The following TENM2 variants were observed in gnomAD, a reference collection of about 807,000 sequenced individuals.
TENM2 encodes teneurin transmembrane protein 2, also known as teneurin-2.
A neutral mutation model predicts 245.2 loss-of-function variants in TENM2; 52 were observed. The observed-to-expected ratio is 0.21, with a 90% CI of 0.17 to 0.27. The LOEUF is 0.27. Ranked by LOEUF, TENM2 falls within the 10% of genes least tolerant of loss-of-function variation. The pLI, the probability that TENM2 is intolerant of heterozygous loss-of-function variation, is 1.00. For synonymous variants in TENM2, 1,363 were observed against 1,438.9 expected (o/e 0.95, Z 1.19); for missense variants, 3,046 against 3,666.8 (o/e 0.83, Z 4.37).
Position 168,244,983 on chromosome 5 carries a change from G to A in TENM2, c.5817+267G>A, listed in dbSNP as rs1214811410. On this transcript the variant is annotated intron_variant, in intron 26 of 28. Transcript: ENST00000518659. This position sits in a 1 kb window ranked among gnomAD's most constrained non-coding sequence, Gnocchi z 4.9. ...GGGTTTCCCCACATTGGCCAGGCTG[G>A]TCTCGAATTCCTGACCTCAGGTGAT... Among the ~76,000 whole-genome samples the A allele has an allele frequency of 6.6e-6, 1 of 152,104 alleles. No homozygotes were observed. Among genetic ancestry groups the A allele is most frequent in the Non-Finnish European group, 1.5e-5 (1 of 68,026 alleles).
chr5:167,091,494 T>A, the TENM2 span, among the ~76,000 whole-genome samples: 1 of 152,128 alleles, frequency 6.6e-6, no homozygotes, highest in East Asian at 1.9e-4. Context: ...ATATATATAG[T>A]CAGGTACATT....
chr5:167,861,052 TAAAAAAAAA>T (rs397999860), intron 2 of TENM2, among the ~76,000 whole-genome samples: 1 of 133,488 alleles, frequency 7.5e-6, no homozygotes, highest in East Asian at 2.2e-4. Flanking sequence ...AAAAAAAAAT[TAAAAAAAAA>T]AAAAAAAGAA....
the TENM2 span, among the ~76,000 whole-genome samples, chr5:167,000,073 AT>A: frequency 6.6e-6 from 1 of 152,326 alleles, no homozygotes; most frequent in South Asian, 2.1e-4. Context: ...CTGTAGAGGC[AT>A]CTATAAGATC....
chr5:167,877,629 C>T (rs1265389222), intron 3 of TENM2, among the ~76,000 whole-genome samples: 1 of 152,154 alleles, frequency 6.6e-6, no homozygotes, highest in Non-Finnish European at 1.5e-5. Flanking sequence ...TGAATTCAAC[C>T]TTTCTACCGC....
intron 2 of TENM2, among the ~76,000 whole-genome samples, chr5:167,808,404 C>T (rs1335960522): frequency 6.6e-6 from 1 of 152,168 alleles, no homozygotes; most frequent in African/African-American, 2.4e-5. Context: ...GGATTACAGG[C>T]ATGCACCACC....
chr5:167,113,011 C>T, the TENM2 span, among the ~76,000 whole-genome samples: 2 of 152,082 alleles, frequency 1.3e-5, no homozygotes, highest in African/African-American at 2.4e-5. Context: ...AATCCTCATA[C>T]CTTAAAGGAG....
At position 167,565,124 on chromosome 5, in the gene TENM2, A is replaced by G. The variant is rs180854822; in HGVS notation, c.502+189651A>G. 5.5e-3 allele frequency among the ~76,000 whole-genome samples: 838 copies of G among 152,354 alleles called. 10 individuals are homozygous for G. In the Middle Eastern group the frequency reaches 0.075, roughly 14 times the overall value. On this transcript the variant is annotated intron_variant, in intron 2 of 28. Coordinates refer to ENST00000518659, the Ensembl canonical transcript of TENM2. ...AATGAAAGTTTTAAGAAGTACCCAA[A>G]TTCTAAATATGTTTTACAGGATGAC...
intron 4 of TENM2, among the ~76,000 whole-genome samples, chr5:167,980,245 T>A (rs1782733656): frequency 6.6e-6 from 1 of 152,070 alleles, no homozygotes; most frequent in Non-Finnish European, 1.5e-5. Context: ...GTGAGGGAAA[T>A]GGGCCTTTGT....
chr5:168,081,658 T>G (rs1193471130), intron 7 of TENM2, among the ~76,000 whole-genome samples: 3 of 152,218 alleles, frequency 2.0e-5, no homozygotes, highest in Non-Finnish European at 4.4e-5. Flanking sequence ...TTTGCTTGTC[T>G]GTAAAGGATT....
At chr5:167,908,431 C>A (rs1297007536) in intron 3 of TENM2, among the ~76,000 whole-genome samples, 5 of 92,618 alleles carry the variant, frequency 5.4e-5, no homozygotes, top group Non-Finnish European at 1.1e-4. Flanking sequence ...CTCCTCTCTC[C>A]TCCTCTCCCC....
intron 5 of TENM2, among the ~76,000 whole-genome samples, chr5:168,034,065 G>A (rs370704522): frequency 4.1e-4 from 48 of 116,592 alleles, no homozygotes; most frequent in Non-Finnish European, 5.9e-4. Context: ...ATATATATAT[G>A]TGTATATATA....
intron 2 of TENM2, among the ~76,000 whole-genome samples, chr5:167,633,961 TC>T (rs1779031537): frequency 6.6e-6 from 1 of 152,210 alleles, no homozygotes; most frequent in African/African-American, 2.4e-5. Flanking sequence ...GTTGGGCGTT[TC>T]CTGAGCAACT....
chr5:167,050,023 G>T, the TENM2 span, among the ~76,000 whole-genome samples: 1 of 152,194 alleles, frequency 6.6e-6, no homozygotes, highest in Non-Finnish European at 1.5e-5. Flanking sequence ...TGTAGGATAA[G>T]AGTGTTCCAG....
rs111703856 is a variant in TENM2 at position 167,555,433 on chromosome 5, T to A, written c.502+179960T>A. Among the ~76,000 whole-genome samples, 965 of 149,598 alleles carry A rather than the reference T, an allele frequency of 6.5e-3. 3 individuals are homozygous for A. The highest frequency in any genetic ancestry group is 0.01 in the Non-Finnish European group (676 of 67,562). ...AATATTATATTTAACTCAAACTTGG[T>A]TGGATACCCTACTGTCCGTTAAACC... On this transcript the variant is annotated intron_variant, in intron 2 of 28. Transcript: ENST00000518659.
At chr5:168,147,950 G>C (rs930993103) in intron 12 of TENM2, among the ~76,000 whole-genome samples, 1 of 152,212 alleles carries the variant, frequency 6.6e-6, no homozygotes, top group Non-Finnish European at 1.5e-5. Context: ...AAAGACAGAG[G>C]CTTGTTTGGA....
chr5:167,285,579 A>G (rs1771294643), intron 1 of TENM2, among the ~76,000 whole-genome samples: 1 of 151,926 alleles, frequency 6.6e-6, no homozygotes, highest in Non-Finnish European at 1.5e-5. Flanking sequence ...TTTTGGGAGG[A>G]GAATATTTTT....
chr5:167,743,492 A>G (rs1208476171), intron 2 of TENM2, among the ~76,000 whole-genome samples: 3 of 152,188 alleles, frequency 2.0e-5, no homozygotes, highest in Non-Finnish European at 4.4e-5. Context: ...CTTATCAAAC[A>G]ATTAAATAAA....
At chr5:167,943,712 ACAAT>A (rs1402107720) in intron 3 of TENM2, among the ~76,000 whole-genome samples, 2 of 152,314 alleles carry the variant, frequency 1.3e-5, no homozygotes, top group Admixed American at 1.3e-4. Flanking sequence ...CTACAGCACA[ACAAT>A]CAACATAACG....
chr5:167,211,830 CATAT>C, the TENM2 span, among the ~76,000 whole-genome samples: 1 of 151,852 alleles, frequency 6.6e-6, no homozygotes, highest in Non-Finnish European at 1.5e-5. Flanking sequence ...TATGTAATGT[CATAT>C]ATAATGTATT....
Sources: gnomAD v4.1 joint callset for allele counts (sites outside exome capture counted in the v4.1 genomes callset) on GRCh38, gnomAD v4.1.1 for gene constraint, Gnocchi (gnomAD v3.1) non-coding constraint, MANE v1.5 for transcripts, NCBI Gene and HGNC (gene_info 2026-07-23, HGNC 2026-07-21) for gene names.